SH2D1B: variants seen among roughly 807,000 people sequenced by gnomAD.
The protein encoded by SH2D1B is SH2 domain-containing protein 1B.
Under a neutral mutation model 16.3 loss-of-function variants are expected in SH2D1B, and 11 were observed. The observed-to-expected ratio is 0.67, with a 90% CI of 0.42 to 1.11. SH2D1B has a LOEUF of 1.11. SH2D1B is among the 50% of genes most tolerant of loss of function. The pLI is 0.00. For missense variants in SH2D1B, 123 were observed against 153.1 expected (o/e 0.80, Z 1.04); for synonymous variants, 55 against 56.1 (o/e 0.98, Z 0.09).
intron 1 of SH2D1B, among the ~76,000 whole-genome samples, chr1:162,410,615 G>A (rs1446023769): frequency 6.6e-6 from 1 of 151,780 alleles, no homozygotes; most frequent in Non-Finnish European, 1.5e-5. Flanking sequence ...CCTTCAGCTA[G>A]GTCTCTTTGA....
rs556005933 is a variant in SH2D1B, at chr1:162,399,007, C to T, written c.279G>A (p.Met93Ile). 1.2e-6 allele frequency: 2 copies of T among 1,614,070 alleles called. No homozygotes were observed. Among genetic ancestry groups the T allele is most frequent in the South Asian group, 2.2e-5 (2 of 91,058 alleles). The change falls in exon 3 of 4, where the codon ATG becomes ATA. Residue 93 changes from methionine to isoleucine, a missense_variant. Transcript: ENST00000367929. Reference sequence around the variant, plus strand: ...TTATTGGCTTTAAAAGGTGAACCACCATCCCCTGATTTGGTTTTTCAAATT... The same window carrying T: ...TTATTGGCTTTAAAAGGTGAACCACTATCCCCTGATTTGGTTTTTCAAATT... ...ISKFEKPNQG[M>I]VVHLLKPIKR... is the part of the protein sequence containing the mutation.
intron 3 of SH2D1B, 133 bp from the exon 4 acceptor site, chr1:162,397,448 T>A: frequency 1.2e-6 from 1 of 854,834 alleles, no homozygotes; most frequent in East Asian, 2.6e-5. Flanking sequence ...GAAAGTTGTA[T>A]CTTTAAAGGC....
At position 162,395,799 on chromosome 1, in the gene SH2D1B, G is replaced by A. The variant is rs1648360448; in HGVS notation, c.*1481C>T. On this transcript the variant is annotated 3_prime_UTR_variant, in exon 4 of 4. Coordinates refer to ENST00000367929, the MANE Select transcript of SH2D1B (RefSeq NM_053282.5). ...ACAGAATATACAAGACTTCAGTTGG[G>A]AAAATTTATGACTCCATGAAAGGGC... The A allele has an allele frequency of 6.6e-6, 1 of 152,110 alleles. No individual in the cohort carries two copies. The highest frequency in any genetic ancestry group is 2.1e-4 in the South Asian group (1 of 4,826). 9.4% of individuals were successfully genotyped at this position (152,110 alleles called of 1,614,324 possible).
rs138844803 is a variant in SH2D1B, at chr1:162,411,485, C to T, written c.134+398G>A. Among the ~76,000 whole-genome samples, 56 of 152,326 alleles carry T rather than the reference C, an allele frequency of 3.7e-4. No homozygotes were observed. In the South Asian group the frequency reaches 6.2e-3, roughly 17 times the overall value. On this transcript the variant is annotated intron_variant, in intron 1 of 3. Transcript: ENST00000367929. ...ATAGTTTACGTATTGCAAGCAGATG[C>T]TGCAGAATAAGTGTTTCAGATTGAA... is the stretch of plus-strand genomic sequence containing the variant.
At chr1:162,402,166 G>A (rs1648530339) in intron 2 of SH2D1B, among the ~76,000 whole-genome samples, 1 of 152,146 alleles carries the variant, frequency 6.6e-6, no homozygotes, top group Admixed American at 6.5e-5. Context: ...AGTCCAGGCT[G>A]GTGTGTTTGG....
At position 162,412,126 on chromosome 1, in the gene SH2D1B, C is replaced by T; in HGVS notation, c.-110G>A. Reference sequence around the variant, plus strand: ...AGCAGCTGTACCTCCTGTGGAGCTACCTCTTCCTCTAGCGGTCTGTGGGAC... The same window carrying T: ...AGCAGCTGTACCTCCTGTGGAGCTATCTCTTCCTCTAGCGGTCTGTGGGAC... On this transcript the variant is annotated 5_prime_UTR_variant, in exon 1 of 4. Coordinates refer to ENST00000367929, the MANE Select transcript of SH2D1B (RefSeq NM_053282.5). 1 of 1,409,776 alleles carries T rather than the reference C, an allele frequency of 7.1e-7. No homozygotes were observed. The highest frequency in any genetic ancestry group is 9.8e-7 in the Non-Finnish European group (1 of 1,021,164). The allele number at this position is 1,409,776 out of a possible 1,614,324, so 87.3% of individuals were successfully genotyped here.
intron 1 of SH2D1B, among the ~76,000 whole-genome samples, chr1:162,404,770 C>A (rs576534340): frequency 7.2e-5 from 11 of 152,150 alleles, no homozygotes; most frequent in Non-Finnish European, 1.3e-4. Flanking sequence ...CTTATTAATA[C>A]AGTTAAAATG....
chr1:162,405,864 C>T (rs1476417911), intron 1 of SH2D1B, among the ~76,000 whole-genome samples: 9 of 152,334 alleles, frequency 5.9e-5, no homozygotes, highest in African/African-American at 1.4e-4. Flanking sequence ...GTGCTGTGCA[C>T]GGATCTCTGA....
chr1:162,408,445 G>A (rs563974605), intron 1 of SH2D1B, among the ~76,000 whole-genome samples: 34 of 125,292 alleles, frequency 2.7e-4, no homozygotes, highest in Non-Finnish European at 2.8e-4. Flanking sequence ...ATCAAGTCTC[G>A]CTCTGTAACC....
At position 162,397,210 on chromosome 1, in the gene SH2D1B, C is replaced by CT; in HGVS notation, c.*69dup. 6.4e-7 allele frequency: 1 copy of CT among 1,558,312 alleles called. No individual in the cohort carries two copies. Among genetic ancestry groups the CT allele is most frequent in the Non-Finnish European group, 8.8e-7 (1 of 1,130,020 alleles). Reference sequence around the variant, plus strand: ...AGAGTTTGGTGCTCTGGACCTATGCCTGCAGAAGTGGGTCATCAGTGAGAA... The same window carrying CT: ...AGAGTTTGGTGCTCTGGACCTATGCCTTGCAGAAGTGGGTCATCAGTGAGAA... On this transcript the variant is annotated 3_prime_UTR_variant, in exon 4 of 4. Coordinates refer to ENST00000367929, the MANE Select transcript of SH2D1B (RefSeq NM_053282.5).
intron 1 of SH2D1B, 85 bp downstream of exon 1, chr1:162,411,798 G>A: frequency 6.4e-7 from 1 of 1,561,348 alleles, no homozygotes; most frequent in African/African-American, 1.3e-5. Context: ...GTGAAATACT[G>A]AGGGATATGA....
chr1:162,405,554 T>C (rs1401023188), intron 1 of SH2D1B, among the ~76,000 whole-genome samples: 2 of 152,238 alleles, frequency 1.3e-5, no homozygotes, highest in African/African-American at 2.4e-5. Context: ...GATTGGTTTT[T>C]GGCCTCAGAT....
intron 2 of SH2D1B, 137 bp from the exon 3 acceptor site, chr1:162,399,224 C>T: frequency 2.7e-6 from 2 of 742,586 alleles, no homozygotes; most frequent in Non-Finnish European, 4.3e-6. Context: ...GAGCTCACAC[C>T]ACTCCCAGTT....
chr1:162,402,234 T>A (rs111323886), intron 2 of SH2D1B, among the ~76,000 whole-genome samples: 1 of 146,362 alleles, frequency 6.8e-6, no homozygotes. Context: ...AGAACCCAGC[T>A]GGGTGCGGTG....
intron 1 of SH2D1B, among the ~76,000 whole-genome samples, chr1:162,407,676 GC>G: frequency 6.6e-6 from 1 of 152,284 alleles, no homozygotes. Context: ...TTCTTGCTTT[GC>G]TTGCAAAGGG....
At position 162,411,952 on chromosome 1, in the gene SH2D1B, T is replaced by C. The variant is rs1329259613; in HGVS notation, c.65A>G (p.Glu22Gly). 6.2e-7 allele frequency: 1 copy of C among 1,614,044 alleles called. No homozygotes were observed. The highest frequency in any genetic ancestry group is 1.3e-5 in the African/African-American group (1 of 74,930). ...TAAAAGAAAGTTGCCATCCACCCCT[T>C]CCTTGAGCAGCAAGGTCTCACAGTC... Reference protein sequence around the residue: ...KQDCETLLLKEGVDGNFLLRD... With the variant: ...KQDCETLLLKGGVDGNFLLRD... The change falls in exon 1 of 4, where the codon GAA becomes GGA. Residue 22 changes from glutamate (E) to glycine (G), a missense_variant. Coordinates refer to ENST00000367929, the MANE Select transcript of SH2D1B (RefSeq NM_053282.5).
chr1:162,402,061 G>T (rs1001831173), intron 2 of SH2D1B, among the ~76,000 whole-genome samples: 1 of 152,164 alleles, frequency 6.6e-6, no homozygotes, highest in African/African-American at 2.4e-5. Context: ...GGGCACACTT[G>T]ACTCCCTAAA....
intron 1 of SH2D1B, among the ~76,000 whole-genome samples, chr1:162,404,556 AT>A (rs201086840): frequency 0.017 from 2,605 of 152,312 alleles, 50 homozygotes; most frequent in South Asian, 0.095. Context: ...AATGAATTAG[AT>A]TGTATACTTT....
rs1480031735 is a variant in SH2D1B at position 162,396,672 on chromosome 1, AGGCTGGAG to A, written c.*600_*607del. On this transcript the variant is annotated 3_prime_UTR_variant, in exon 4 of 4. Transcript: ENST00000367929. ...GAAAGAACCAGGAGGAGAGTAGCCC[AGGCTGGAG>A]GGAGAAGGGTGCACATGGGGGTCCA... 6.5e-6 allele frequency: 1 copy of A among 152,708 alleles called. No homozygotes were observed. Among genetic ancestry groups the A allele is most frequent in the Non-Finnish European group, 1.5e-5 (1 of 68,454 alleles). 9.5% of individuals were successfully genotyped at this position (152,708 alleles called of 1,614,324 possible). A position where few individuals can be genotyped will look rare whatever the true frequency, so the allele number is the denominator to read the frequency against.
Sources: allele counts gnomAD v4.1 joint callset (sites outside exome capture counted in the v4.1 genomes callset), GRCh38; gene constraint gnomAD v4.1.1; transcripts MANE v1.5; gene names NCBI Gene and HGNC (gene_info 2026-07-23, HGNC 2026-07-21).